Variants in ASB2 observed in about 807,000 individuals in gnomAD.
ASB2 encodes ankyrin repeat and SOCS box protein 2.
ASB2 carries 58 observed loss-of-function variants against 62.4 expected under a neutral mutation model. The observed-to-expected ratio is 0.93, with a 90% CI of 0.75 to 1.16. ASB2 has a LOEUF of 1.16. Among genes scored for constraint, ASB2 ranks in the 50% most tolerant of loss-of-function variants. The pLI is 0.00. For missense variants in ASB2, 928 were observed against 887.9 expected, an observed-to-expected ratio of 1.05 and a Z score of -0.57; for synonymous variants, 386 against 385.3, an observed-to-expected ratio of 1.00 and a Z score of -0.02.
chr14:93,939,036 C>G, intron 8 of ASB2, 72 bp downstream of exon 8: 1 of 1,318,822 alleles, frequency 7.6e-7, no homozygotes, highest in East Asian at 2.9e-5. Context: ...CCCCGCCCGC[C>G]TCCCATGCGC....
chr14:93,955,211 G>A (rs1889139269), intron 3 of ASB2: 4 of 455,188 alleles, frequency 8.8e-6, no homozygotes, highest in South Asian at 4.6e-5. Flanking sequence ...TGGAGAAGGT[G>A]AGGCTGGAGG....
intron 9 of ASB2, among the ~76,000 whole-genome samples, chr14:93,937,354 A>G (rs1003394949): frequency 4.6e-5 from 7 of 151,814 alleles, no homozygotes; most frequent in Non-Finnish European, 1.0e-4. Context: ...CCCCTCCTAC[A>G]ATGCCTCTTG....
At chr14:93,964,068 G>A (rs892682689) in intron 2 of ASB2, among the ~76,000 whole-genome samples, 24 of 152,216 alleles carry the variant, frequency 1.6e-4, no homozygotes, top group African/African-American at 5.5e-4. Flanking sequence ...CTGAGCTTCA[G>A]TCTCCTCTTT....
Position 93,957,033 on chromosome 14 carries a change from G to A in ASB2, c.207-163C>T. On this transcript the variant is annotated intron_variant, in intron 2 of 9. Coordinates refer to ENST00000555019, the MANE Select transcript of ASB2 (RefSeq NM_001202429.2). The stretch of plus-strand genomic sequence containing the variant: ...CAGATGGCCGGGTCCTCTGTGTGCT[G>A]GACACAGCTGCTGTGTCTCCGGATT... The A allele has an allele frequency of 4.6e-6, 7 of 1,509,372 alleles. No individual in the cohort carries two copies. In the South Asian group the frequency reaches 8.1e-5, roughly 17 times the overall value. The allele number at this position is 1,509,372 out of a possible 1,614,324, so 93.5% of individuals were successfully genotyped here.
rs1301027687 is a variant in ASB2 at position 93,954,450 on chromosome 14, A to G, written c.345T>C (p.Asp115=). ...PADPLIKAIK[D]GDEEALKTMI... ...TGGTCTTCAAGGCCTCTTCATCGCC[A>G]TCCTTGATGGCCTTTATCAAGGGGT... Residue 115 remains aspartate, a synonymous_variant, in exon 4 of 10, where the codon GAT becomes GAC. Coordinates refer to ENST00000555019, the MANE Select transcript of ASB2 (RefSeq NM_001202429.2). 5.6e-6 allele frequency: 9 copies of G among 1,614,058 alleles called. No homozygotes were observed. The highest frequency in any genetic ancestry group is 2.2e-5 in the East Asian group (1 of 44,884).
At chr14:93,950,766 C>A (rs1326433205) in intron 6 of ASB2, among the ~76,000 whole-genome samples, 1 of 151,410 alleles carries the variant, frequency 6.6e-6, no homozygotes, top group African/African-American at 2.4e-5. Flanking sequence ...TGGGCCAGAC[C>A]CCCCCATATT....
rs375816562 is a variant in ASB2 at position 93,947,584 on chromosome 14, C to T, written c.881-64G>A. On this transcript the variant is annotated intron_variant, in intron 6 of 9. Coordinates refer to ENST00000555019, the MANE Select transcript of ASB2 (RefSeq NM_001202429.2). The stretch of plus-strand genomic sequence containing the variant: ...CGGGAAGTTGCTGTCCTCAATGTAA[C>T]GCCACCGCGTGGTGGGCCTGCTGTG... 25 of 1,558,894 alleles carry T rather than the reference C, an allele frequency of 1.6e-5. No homozygotes were observed. In the East Asian group the frequency reaches 2.0e-4, roughly 13 times the overall value.
chr14:93,954,164 C>T (rs188277052), intron 4 of ASB2, 153 bp downstream of exon 4: 145 of 667,598 alleles, frequency 2.2e-4, no homozygotes, highest in Admixed American at 3.8e-4. Flanking sequence ...TTTCCCCTCT[C>T]GTAACTCCAT....
chr14:93,959,923 G>T (rs1024374757), intron 2 of ASB2, among the ~76,000 whole-genome samples: 10 of 150,846 alleles, frequency 6.6e-5, no homozygotes, highest in Non-Finnish European at 1.5e-4. Flanking sequence ...AATCGATTCC[G>T]CCCCACGCCC....
rs756411721 is a variant in ASB2, at chr14:93,939,132, G to T, written c.1593C>A (p.Ala531=). ...PSSRFNDAPA[A]DKEPSVVQFC... ...CCTGCACCACGCTGGGCTCCTTGTCGGCCGCGGGCGCGTCGTTGAACCTGC... is the reference window on the plus strand; with the variant it reads ...CCTGCACCACGCTGGGCTCCTTGTCTGCCGCGGGCGCGTCGTTGAACCTGC... Residue 531 remains alanine, a synonymous_variant, in exon 8 of 10, where the codon GCC becomes GCA. Coordinates refer to ENST00000555019, the MANE Select transcript of ASB2 (RefSeq NM_001202429.2). 1.3e-6 allele frequency: 2 copies of T among 1,537,812 alleles called. No individual in the cohort carries two copies. The highest frequency in any genetic ancestry group is 8.8e-7 in the Non-Finnish European group (1 of 1,138,494).
At chr14:93,955,421 A>G (rs1244125986) in intron 3 of ASB2, 1 of 324,798 alleles carries the variant, frequency 3.1e-6, no homozygotes, top group Non-Finnish European at 6.1e-6. Flanking sequence ...ACGATGGGAA[A>G]CTGATCAGAT....
chr14:93,939,019 C>T (rs886204821), intron 8 of ASB2, 89 bp downstream of exon 8: 2 of 1,217,900 alleles, frequency 1.6e-6, no homozygotes, highest in African/African-American at 1.6e-5. Flanking sequence ...GAGCGCGAAC[C>T]ACCCGGCCCC....
In ASB2 at chr14:93,954,373, G is replaced by A. The variant is rs764450382; in HGVS notation, c.422C>T (p.Pro141Leu). The change falls in exon 4 of 10, where the codon CCG becomes CTG. Residue 141 changes from proline to leucine, a missense_variant. By Grantham distance (98) the Pro-to-Leu change is moderately conservative (BLOSUM62 -3). Transcript: ENST00000555019. ...LAEPNKEGWL[P>L]LHEAAYYGQV... ...GCCATAGTATGCGGCCTCGTGCAGC[G>A]GCAGCCAGCCCTCCTTGTTGGGCTC... 9 of 1,613,890 alleles carry A rather than the reference G, an allele frequency of 5.6e-6. No homozygotes were observed. Among genetic ancestry groups the A allele is most frequent in the South Asian group, 3.3e-5 (3 of 91,080 alleles).
At chr14:93,943,247 G>C (rs1281056928) in intron 7 of ASB2, among the ~76,000 whole-genome samples, 4 of 152,206 alleles carry the variant, frequency 2.6e-5, no homozygotes, top group Non-Finnish European at 5.9e-5. Context: ...TTGGTATCTT[G>C]ACCACCACCA....
chr14:93,964,255 G>A, intron 2 of ASB2, 79 bp downstream of exon 2: 1 of 1,330,598 alleles, frequency 7.5e-7, no homozygotes, highest in Non-Finnish European at 1.0e-6. Flanking sequence ...CCGTGGTTTT[G>A]GATTAACAGC....
intron 1 of ASB2, among the ~76,000 whole-genome samples, chr14:93,971,901 T>C (rs1405936791): frequency 6.7e-6 from 1 of 149,806 alleles, no homozygotes; most frequent in Non-Finnish European, 1.5e-5. Flanking sequence ...CTGAAGACTA[T>C]GTGTGTGTGT....
At chr14:93,966,686 T>C (rs1298176607) in intron 1 of ASB2, among the ~76,000 whole-genome samples, 1 of 152,240 alleles carries the variant, frequency 6.6e-6, no homozygotes, top group Non-Finnish European at 1.5e-5. Flanking sequence ...TAGCCAATGT[T>C]AGTTGGGTTT....
intron 1 of ASB2, among the ~76,000 whole-genome samples, chr14:93,971,479 C>T (rs546370652): frequency 2.6e-5 from 4 of 152,320 alleles, no homozygotes; most frequent in East Asian, 1.9e-4. Flanking sequence ...TTAGTGAGCA[C>T]GTAATTCATT....
At chr14:93,938,390 C>A (rs1444842411) in intron 8 of ASB2, among the ~76,000 whole-genome samples, 2 of 152,124 alleles carry the variant, frequency 1.3e-5, no homozygotes, top group East Asian at 3.9e-4. Context: ...CAGGCGCCGG[C>A]CACCACACTT....
Sources: allele counts gnomAD v4.1 joint callset (sites outside exome capture counted in the v4.1 genomes callset), GRCh38; gene constraint gnomAD v4.1.1; transcripts MANE v1.5; gene names NCBI Gene and HGNC (gene_info 2026-07-23, HGNC 2026-07-21).